Variants in WWOX observed in about 807,000 individuals in gnomAD.
WWOX encodes WW domain containing oxidoreductase, also known as WW domain-containing oxidoreductase.
Under a neutral mutation model 46.2 loss-of-function variants are expected in WWOX, and 69 were observed. The ratio of observed to expected loss-of-function variants is 1.49; its 90% confidence interval spans 1.23 to 1.82. The LOEUF (loss-of-function observed/expected upper bound fraction) is 1.82, where lower values mean the gene tolerates loss of function less well. WWOX is among the 40% of genes most tolerant of loss of function. WWOX has a pLI of 0.00. For missense variants in WWOX, 919 were observed against 542.6 expected (o/e 1.69, Z -6.89); for synonymous variants, 359 against 202.6 (o/e 1.77, Z -6.56).
chr16:78,193,415 A>T (rs992375878), intron 5 of WWOX, among the ~76,000 whole-genome samples: 1 of 152,226 alleles, frequency 6.6e-6, no homozygotes, highest in Non-Finnish European at 1.5e-5. Context: ...TCAAAAGGGA[A>T]AAAAGAAAAG....
intron 5 of WWOX, among the ~76,000 whole-genome samples, chr16:78,180,809 C>T (rs565247002): frequency 6.6e-6 from 1 of 152,228 alleles, no homozygotes; most frequent in East Asian, 1.9e-4. Context: ...CCCAGCTGCA[C>T]CCCAGAGCAG....
At chr16:78,724,043 C>G (rs1308613064) in intron 8 of WWOX, among the ~76,000 whole-genome samples, 1 of 152,116 alleles carries the variant, frequency 6.6e-6, no homozygotes, top group African/African-American at 2.4e-5. Flanking sequence ...GTTTTCTGGG[C>G]CAGGACTGGA....
chr16:78,527,802 C>G (rs2043513232), intron 8 of WWOX, among the ~76,000 whole-genome samples: 1 of 150,850 alleles, frequency 6.6e-6, no homozygotes, highest in South Asian at 2.1e-4. Flanking sequence ...GTTGTCAGTT[C>G]AGGAGGGTAG....
At chr16:79,045,902 A>T (rs1308959621) in intron 8 of WWOX, among the ~76,000 whole-genome samples, 1 of 136,206 alleles carries the variant, frequency 7.3e-6, no homozygotes, top group South Asian at 2.4e-4. Context: ...CCCGGGTTCA[A>T]GTGATTCTCC....
intron 8 of WWOX, among the ~76,000 whole-genome samples, chr16:79,131,623 G>A (rs1172822386): frequency 6.6e-6 from 1 of 152,154 alleles, no homozygotes; most frequent in Non-Finnish European, 1.5e-5. Flanking sequence ...CACACTGGAA[G>A]GATATATATT....
intron 6 of WWOX, among the ~76,000 whole-genome samples, chr16:78,410,293 T>C (rs574865516): frequency 2.1e-4 from 32 of 152,320 alleles, no homozygotes; most frequent in African/African-American, 7.7e-4. Flanking sequence ...ACTTCTTTAT[T>C]GCAGTGCAAG....
intron 8 of WWOX, among the ~76,000 whole-genome samples, chr16:78,888,565 T>G (rs1464170843): frequency 6.6e-6 from 1 of 152,260 alleles, no homozygotes; most frequent in Non-Finnish European, 1.5e-5. Context: ...GGCTTTTGTT[T>G]GTTAGTTTTG....
chr16:78,636,517 A>G (rs563715502), intron 8 of WWOX, among the ~76,000 whole-genome samples: 164 of 152,054 alleles, frequency 1.1e-3, no homozygotes, highest in African/African-American at 3.9e-3. Flanking sequence ...TTTTTTTCCT[A>G]ATAGAAAATA....
intron 5 of WWOX, among the ~76,000 whole-genome samples, chr16:78,372,474 G>C (rs1231059978): frequency 1.3e-5 from 2 of 152,192 alleles, no homozygotes; most frequent in Non-Finnish European, 2.9e-5. Context: ...GACAGTCAAT[G>C]ATAGAATCAC....
intron 8 of WWOX, among the ~76,000 whole-genome samples, chr16:78,994,576 G>C (rs1402299480): frequency 1.3e-5 from 2 of 152,160 alleles, no homozygotes; most frequent in Admixed American, 6.5e-5. Context: ...AGACCGAGGC[G>C]TTGCTTTGTG....
chr16:78,707,963 G>C, intron 8 of WWOX, among the ~76,000 whole-genome samples: 1 of 152,162 alleles, frequency 6.6e-6, no homozygotes, highest in East Asian at 1.9e-4. Context: ...ACTTTTAATG[G>C]AATAGTAAAT....
At position 78,414,565 on chromosome 16, in the gene WWOX, A is replaced by AAAAC. The variant is rs139710306; in HGVS notation, c.606-10289_606-10286dup. 5.3e-5 allele frequency among the ~76,000 whole-genome samples: 8 copies of AAAAC among 152,290 alleles called. No homozygotes were observed. The South Asian group carries it at 1.5e-3, about 28-fold the overall frequency. Reference sequence around the variant, plus strand: ...CTGCAATGCAGAGTGAAACTGTCTTAAAACAAACAAACAAACAAAAAGCAA... The same window carrying AAAAC: ...CTGCAATGCAGAGTGAAACTGTCTTAAAACAAACAAACAAACAAACAAAAAGCAA... On this transcript the variant is annotated intron_variant, in intron 6 of 8. Coordinates refer to ENST00000566780, the MANE Select transcript of WWOX (RefSeq NM_016373.4).
In WWOX at chr16:78,349,905, T is replaced by C. The variant is rs1379779794; in HGVS notation, c.517-36955T>C. Among the ~76,000 whole-genome samples the C allele has an allele frequency of 1.6e-5, 2 of 121,220 alleles. 1 individual carries two copies. The highest frequency in any genetic ancestry group is 5.6e-5 in the African/African-American group (2 of 35,794). The allele number at this position is 121,220 out of a possible 152,430, so 79.5% of individuals were successfully genotyped here. On this transcript the variant is annotated intron_variant, in intron 5 of 8. Coordinates refer to ENST00000566780, the MANE Select transcript of WWOX (RefSeq NM_016373.4). Reference sequence around the variant, plus strand: ...TCTCATTCCCCAGAAATAATCCCTGTTAACATTTCGGTTTGTGTTATGGAA... The same window carrying C: ...TCTCATTCCCCAGAAATAATCCCTGCTAACATTTCGGTTTGTGTTATGGAA...
intron 7 of WWOX, among the ~76,000 whole-genome samples, chr16:78,426,613 C>G (rs889517512): frequency 1.3e-5 from 2 of 152,110 alleles, no homozygotes; most frequent in Non-Finnish European, 2.9e-5. Context: ...TGTGTGATGG[C>G]TGGCACTGGT....
intron 8 of WWOX, among the ~76,000 whole-genome samples, chr16:78,956,270 T>A (rs1293218019): frequency 6.6e-6 from 1 of 152,148 alleles, no homozygotes; most frequent in Non-Finnish European, 1.5e-5. Context: ...CTCAGCCTCC[T>A]GAGTAGCTGG....
chr16:78,313,287 T>C (rs1314327933), intron 5 of WWOX, among the ~76,000 whole-genome samples: 3 of 152,210 alleles, frequency 2.0e-5, no homozygotes, highest in African/African-American at 7.2e-5. Flanking sequence ...CACCCTGTAT[T>C]ATAGATCTGC....
chr16:78,357,157 C>T (rs748736071), intron 5 of WWOX, among the ~76,000 whole-genome samples: 1 of 152,128 alleles, frequency 6.6e-6, no homozygotes, highest in Non-Finnish European at 1.5e-5. Flanking sequence ...TGAGTCACTG[C>T]AGTAAAGTTC....
intron 8 of WWOX, among the ~76,000 whole-genome samples, chr16:79,117,423 T>C (rs771380644): frequency 6.6e-6 from 1 of 152,220 alleles, no homozygotes; most frequent in African/African-American, 2.4e-5. Flanking sequence ...CCAGGGTTTG[T>C]TATTCCATTT....
chr16:78,380,137 C>T (rs777910554), intron 5 of WWOX, among the ~76,000 whole-genome samples: 70 of 152,226 alleles, frequency 4.6e-4, no homozygotes, highest in Middle Eastern at 3.4e-3. Context: ...ACCGGGTTAC[C>T]AAGAGCAGGA....
Sources: gnomAD v4.1 joint callset for allele counts (sites outside exome capture counted in the v4.1 genomes callset) on GRCh38, gnomAD v4.1.1 for gene constraint, MANE v1.5 for transcripts, NCBI Gene and HGNC (gene_info 2026-07-23, HGNC 2026-07-21) for gene names.